ZBTB20: variants seen among roughly 807,000 people sequenced by gnomAD.
ZBTB20 encodes the protein zinc finger and BTB domain-containing protein 20.
A neutral mutation model predicts 56.9 loss-of-function variants in ZBTB20; 9 were observed. That is an observed-to-expected ratio of 0.16 (90% CI 0.10 to 0.28). The LOEUF is 0.28. Among genes scored for constraint, ZBTB20 ranks in the 10% least tolerant of loss-of-function variants. The pLI is 1.00. For missense variants in ZBTB20, 655 were observed against 1,003.0 expected, an observed-to-expected ratio of 0.65 and a Z score of 4.69; for synonymous variants, 417 against 420.7, an observed-to-expected ratio of 0.99 and a Z score of 0.11.
At chr3:115,092,529 G>A (rs916187421) in intron 1 of ZBTB20, among the ~76,000 whole-genome samples, 15 of 152,092 alleles carry the variant, frequency 9.9e-5, no homozygotes, top group African/African-American at 3.1e-4. Flanking sequence ...ATTCTCTGAT[G>A]ACTTCTCCAA....
intron 1 of ZBTB20, among the ~76,000 whole-genome samples, chr3:115,125,222 A>G (rs533439986): frequency 6.6e-6 from 1 of 152,206 alleles, no homozygotes; most frequent in South Asian, 2.1e-4. Context: ...ATGCGCCTGT[A>G]GTCCCAGCTA....
intron 2 of ZBTB20, among the ~76,000 whole-genome samples, chr3:115,012,288 A>G (rs1483405548): frequency 6.6e-6 from 1 of 151,804 alleles, no homozygotes; most frequent in Admixed American, 6.6e-5. Flanking sequence ...GAACAAACAA[A>G]CAAAAAAGAT....
chr3:114,910,562 GA>G (rs1560388702), intron 3 of ZBTB20, among the ~76,000 whole-genome samples: 2 of 151,904 alleles, frequency 1.3e-5, no homozygotes, highest in Admixed American at 6.6e-5. Context: ...CTCAGAAAAA[GA>G]AAAGTAACAA....
intron 6 of ZBTB20, among the ~76,000 whole-genome samples, chr3:114,641,802 T>C (rs1227436181): frequency 6.6e-6 from 1 of 151,928 alleles, no homozygotes; most frequent in African/African-American, 2.4e-5. Flanking sequence ...ATATGGAGGG[T>C]GTCTTTAGTT....
intron 7 of ZBTB20, among the ~76,000 whole-genome samples, chr3:114,444,826 C>T (rs947195598): frequency 8.6e-5 from 13 of 151,994 alleles, no homozygotes; most frequent in Non-Finnish European, 1.3e-4. Flanking sequence ...TACCATTAGT[C>T]CAGATAATTT....
chr3:114,554,178 C>T (rs2050917215), intron 6 of ZBTB20, among the ~76,000 whole-genome samples: 1 of 152,132 alleles, frequency 6.6e-6, no homozygotes. Flanking sequence ...CTGTTTCTTC[C>T]TCTCTCACTA....
At chr3:114,418,569 T>C (rs1366395380) in intron 7 of ZBTB20, among the ~76,000 whole-genome samples, 1 of 139,548 alleles carries the variant, frequency 7.2e-6, no homozygotes, top group Non-Finnish European at 1.6e-5. Flanking sequence ...GAAAGACTAA[T>C]AGATCTTGAG....
intron 5 of ZBTB20, among the ~76,000 whole-genome samples, chr3:114,696,288 A>C (rs753779357): frequency 2.6e-5 from 4 of 152,126 alleles, no homozygotes; most frequent in Non-Finnish European, 5.9e-5. Context: ...TTATGGCTTT[A>C]ATATCCAGAA....
At chr3:115,042,948 T>A (rs927319765) in intron 2 of ZBTB20, among the ~76,000 whole-genome samples, 1 of 152,194 alleles carries the variant, frequency 6.6e-6, no homozygotes, top group Non-Finnish European at 1.5e-5. Context: ...AGATCCTAAA[T>A]TAAATCTAAG....
intron 7 of ZBTB20, among the ~76,000 whole-genome samples, chr3:114,499,376 C>T (rs1478802620): frequency 2.0e-5 from 3 of 152,078 alleles, no homozygotes; most frequent in Admixed American, 6.5e-5. Flanking sequence ...GTGGAAGGCA[C>T]GCATAAACAA....
intron 7 of ZBTB20, among the ~76,000 whole-genome samples, chr3:114,489,279 G>A (rs1255782923): frequency 6.6e-6 from 1 of 152,056 alleles, no homozygotes; most frequent in Non-Finnish European, 1.5e-5. Context: ...TTACTAACTA[G>A]CTCTCTTAGT....
chr3:114,453,158 C>A (rs79846957), intron 7 of ZBTB20, among the ~76,000 whole-genome samples: 1,956 of 152,208 alleles, frequency 0.013, 42 homozygotes, highest in African/African-American at 0.045. Flanking sequence ...TGCTACAACA[C>A]AAATTCATGG....
At chr3:114,347,090 T>G (rs374670276) in intron 11 of ZBTB20, among the ~76,000 whole-genome samples, 2,662 of 131,152 alleles carry the variant, frequency 0.02, 73 homozygotes, top group Admixed American at 0.035. Context: ...TTTTTTTTTT[T>G]TTTTTTTTTT....
intron 5 of ZBTB20, among the ~76,000 whole-genome samples, chr3:114,763,451 G>A (rs1446001715): frequency 3.3e-5 from 5 of 152,134 alleles, no homozygotes; most frequent in South Asian, 2.1e-4. Flanking sequence ...ATATTATTAA[G>A]ATAATGTGGA....
intron 6 of ZBTB20, among the ~76,000 whole-genome samples, chr3:114,633,559 G>T (rs1352694093): frequency 6.6e-6 from 1 of 152,146 alleles, no homozygotes; most frequent in Non-Finnish European, 1.5e-5. Flanking sequence ...AAGGAACCTG[G>T]CTGGGCAGTC....
At chr3:115,113,610 C>T (rs577116271) in intron 1 of ZBTB20, among the ~76,000 whole-genome samples, 1 of 152,306 alleles carries the variant, frequency 6.6e-6, no homozygotes, top group South Asian at 2.1e-4. Context: ...GCAGCCACCA[C>T]AAGTGACTGG....
intron 4 of ZBTB20, among the ~76,000 whole-genome samples, chr3:114,839,451 G>GAA (rs994814787): frequency 1.9e-4 from 28 of 150,564 alleles, no homozygotes; most frequent in Admixed American, 1.3e-4. Context: ...AAGAAAGAAA[G>GAA]AAAGAAAGAA....
intron 7 of ZBTB20, among the ~76,000 whole-genome samples, chr3:114,422,562 A>G (rs902208838): frequency 6.6e-6 from 1 of 152,186 alleles, no homozygotes; most frequent in African/African-American, 2.4e-5. Flanking sequence ...CTAGAAATCT[A>G]CAGAAAAAAT....
At chr3:114,999,036 G>T (rs541654385) in intron 2 of ZBTB20, among the ~76,000 whole-genome samples, 21 of 139,098 alleles carry the variant, frequency 1.5e-4, no homozygotes, top group African/African-American at 5.5e-4. Flanking sequence ...GAGGGGAGGG[G>T]AGGGAAAAGG....
Sources: allele counts gnomAD v4.1 joint callset (sites outside exome capture counted in the v4.1 genomes callset), GRCh38; gene constraint gnomAD v4.1.1; transcripts MANE v1.5; gene names NCBI Gene and HGNC (gene_info 2026-07-23, HGNC 2026-07-21).